PRKCI: variants seen among roughly 807,000 people sequenced by gnomAD.
The protein encoded by PRKCI is protein kinase C iota type.
PRKCI carries 43 observed loss-of-function variants against 84.0 expected under a neutral mutation model. That is an observed-to-expected ratio of 0.51 (90% CI 0.40 to 0.66). The LOEUF (loss-of-function observed/expected upper bound fraction) is 0.66, where lower values mean the gene tolerates loss of function less well. PRKCI is among the 30% of genes least tolerant of loss of function. The pLI is 0.00. For missense variants in PRKCI, 459 were observed against 745.6 expected (o/e 0.62, Z 4.48); for synonymous variants, 216 against 234.4 (o/e 0.92, Z 0.72).
chr3:170,254,920 G>A (rs1733543655), intron 2 of PRKCI, among the ~76,000 whole-genome samples: 1 of 149,538 alleles, frequency 6.7e-6, no homozygotes, highest in Non-Finnish European at 1.5e-5. Flanking sequence ...CAGTAGTATG[G>A]ACATTTTAAC....
intron 1 of PRKCI, among the ~76,000 whole-genome samples, chr3:170,223,201 G>A (rs1732539764): frequency 6.6e-6 from 1 of 152,148 alleles, no homozygotes; most frequent in African/African-American, 2.4e-5. Context: ...TTAGCTGTCC[G>A]TTTTGATTAC....
At position 170,222,519 on chromosome 3, in the gene PRKCI, G is replaced by T. The variant is rs866312792; in HGVS notation, c.-151G>T. On this transcript the variant is annotated 5_prime_UTR_variant, in exon 1 of 18. Transcript: ENST00000295797. The stretch of plus-strand genomic sequence containing the variant: ...GCGGTTCCGGCTGCTCCGGCGAGGC[G>T]ACCCTTGGGTCGGCGCTGCGGGCGA... 30 of 627,164 alleles carry T rather than the reference G, an allele frequency of 4.8e-5. No homozygotes were observed. The Middle Eastern group carries it at 4.6e-3, about 96-fold the overall frequency. The allele number at this position is 627,164 out of a possible 1,614,324, so 38.8% of individuals were successfully genotyped here.
chr3:170,298,741 A>G (rs952645527), intron 16 of PRKCI, among the ~76,000 whole-genome samples: 15 of 152,084 alleles, frequency 9.9e-5, no homozygotes, highest in Admixed American at 9.2e-4. Context: ...GGATCTTGCT[A>G]TGTTGTCTGG....
intron 6 of PRKCI, among the ~76,000 whole-genome samples, chr3:170,272,268 T>G (rs1054906265): frequency 1.3e-5 from 2 of 152,176 alleles, no homozygotes; most frequent in African/African-American, 2.4e-5. Flanking sequence ...TTAGCCCTGC[T>G]CCACAAGGAA....
chr3:170,251,006 CTACAGATTGAAAA>C (rs1169454058), intron 2 of PRKCI, among the ~76,000 whole-genome samples: 1 of 151,996 alleles, frequency 6.6e-6, no homozygotes, highest in Admixed American at 6.6e-5. Context: ...ACTTTCCTTC[CTACAGATTGAAAA>C]TACTCAATCA....
chr3:170,262,014 G>A (rs969770442), intron 3 of PRKCI, among the ~76,000 whole-genome samples: 3 of 152,076 alleles, frequency 2.0e-5, no homozygotes, highest in South Asian at 2.1e-4. Flanking sequence ...GCTAGCTTAC[G>A]TTTCAGCTTT....
intron 14 of PRKCI, 149 bp downstream of exon 14, chr3:170,293,657 TTTTG>T (rs1403245493): frequency 7.9e-6 from 8 of 1,009,276 alleles, no homozygotes; most frequent in South Asian, 2.0e-5. Context: ...TTGTTGTTGT[TTTTG>T]TTTGTTTTTG....
At chr3:170,271,233 A>G (rs1005351861) in intron 6 of PRKCI, among the ~76,000 whole-genome samples, 2 of 152,150 alleles carry the variant, frequency 1.3e-5, no homozygotes, top group African/African-American at 4.8e-5. Flanking sequence ...GAACACTATA[A>G]TGAACTCCCA....
At chr3:170,287,924 A>G (rs1734437827) in intron 12 of PRKCI, among the ~76,000 whole-genome samples, 1 of 151,098 alleles carries the variant, frequency 6.6e-6, no homozygotes, top group Non-Finnish European at 1.5e-5. Context: ...AAAAAAAAAA[A>G]AAAAAAGAAA....
intron 2 of PRKCI, among the ~76,000 whole-genome samples, chr3:170,259,413 C>A (rs1733668671): frequency 6.6e-6 from 1 of 152,142 alleles, no homozygotes; most frequent in African/African-American, 2.4e-5. Flanking sequence ...TATCTATATA[C>A]ATTGGTGTCT....
In PRKCI at chr3:170,281,180, A is replaced by C. The variant is rs138910174; in HGVS notation, c.897A>C (p.Val299=). The C allele has an allele frequency of 1.7e-3, 2,709 of 1,613,126 alleles. No homozygotes were observed. The highest frequency in any genetic ancestry group is 2.0e-3 in the Non-Finnish European group (2,380 of 1,179,716). Residue 299 remains valine (V), a synonymous_variant, in exon 10 of 18, where the codon GTA becomes GTC. Coordinates refer to ENST00000295797, the MANE Select transcript of PRKCI (RefSeq NM_002740.6). The part of the protein sequence containing the change: ...LVNDDEDIDW[V]QTEKHVFEQA... ...TTTCAAAATAGGATATTGATTGGGT[A>C]CAGACAGAGAAGCATGTGTTTGAGC...
At position 170,289,635 on chromosome 3, in the gene PRKCI, C is replaced by T. The variant is rs918342350; in HGVS notation, c.1204-2219C>T. On this transcript the variant is annotated intron_variant, in intron 12 of 17. Transcript: ENST00000295797. ...CTAAAAATACAAAAAGCCAGAGGCT[C>T]GGCACAGTGGCTCACTCCTGTAATC... is the stretch of plus-strand genomic sequence containing the variant. Among the ~76,000 whole-genome samples, 9 of 152,118 alleles carry T rather than the reference C, an allele frequency of 5.9e-5. 1 individual carries two copies. The highest frequency in any genetic ancestry group is 6.5e-5 in the Admixed American group (1 of 15,268).
intron 2 of PRKCI, chr3:170,244,745 G>A (rs77112641): frequency 0.061 from 9,355 of 152,218 alleles, 378 homozygotes; most frequent in Non-Finnish European, 0.092. Context: ...AATGGGGTTC[G>A]GAAGCATGTA....
At chr3:170,287,280 G>T (rs548840010) in intron 12 of PRKCI, among the ~76,000 whole-genome samples, 3 of 151,894 alleles carry the variant, frequency 2.0e-5, no homozygotes, top group Middle Eastern at 3.5e-3. Context: ...CTGTAATCGC[G>T]CCACTGCACT....
At chr3:170,294,981 G>A (rs536505034) in intron 14 of PRKCI, among the ~76,000 whole-genome samples, 1 of 150,662 alleles carries the variant, frequency 6.6e-6, no homozygotes, top group African/African-American at 2.4e-5. Flanking sequence ...AGGCCGAGAT[G>A]GGCGGATCAC....
chr3:170,270,413 C>G lies in PRKCI; in HGVS notation c.451-8C>G. ...GTTAATAAAATATTGTTGAATTACT[C>G]TTTTCAGCGTGCTCACTGTGCCATC... is the stretch of plus-strand genomic sequence containing the variant. On this transcript the variant is annotated splice_polypyrimidine_tract_variant and splice_region_variant and intron_variant, in intron 5 of 17. Transcript: ENST00000295797. The G allele has an allele frequency of 6.3e-7, 1 of 1,591,576 alleles. No homozygotes were observed. Among genetic ancestry groups the G allele is most frequent in the Non-Finnish European group, 8.6e-7 (1 of 1,166,560 alleles).
chr3:170,281,544 G>A (rs1272841285), intron 10 of PRKCI: 2 of 402,120 alleles, frequency 5.0e-6, no homozygotes, highest in African/African-American at 4.1e-5. Flanking sequence ...CTAGTTTTAT[G>A]ACTTAAAATT....
intron 2 of PRKCI, among the ~76,000 whole-genome samples, chr3:170,255,377 T>C (rs1259454050): frequency 6.6e-6 from 1 of 152,182 alleles, no homozygotes; most frequent in Non-Finnish European, 1.5e-5. Context: ...TTCACTTCTT[T>C]TGTGATACTT....
In PRKCI at chr3:170,259,966, T is replaced by C; in HGVS notation, c.224-3T>C. 1 of 1,588,250 alleles carries C rather than the reference T, an allele frequency of 6.3e-7. No homozygotes were observed. On this transcript the variant is annotated splice_region_variant and splice_polypyrimidine_tract_variant and intron_variant, in intron 2 of 17. Transcript: ENST00000295797. ...ACCTTTACTTTACTTTTGTGTTTTT[T>C]AGGAGACCCGTGTACAGTATCATCT...
Sources: gnomAD v4.1 joint callset for allele counts (sites outside exome capture counted in the v4.1 genomes callset) on GRCh38, gnomAD v4.1.1 for gene constraint, MANE v1.5 for transcripts, NCBI Gene and HGNC (gene_info 2026-07-23, HGNC 2026-07-21) for gene names.